Variants in LCOR observed in about 807,000 individuals in gnomAD.
LCOR encodes ligand-dependent corepressor.
Under a neutral mutation model 64.4 loss-of-function variants are expected in LCOR, and 14 were observed. The ratio of observed to expected loss-of-function variants is 0.22; its 90% CI spans 0.14 to 0.34. The LOEUF (loss-of-function observed/expected upper bound fraction) is 0.34. Among genes scored for constraint, LCOR ranks in the 10% least tolerant of loss-of-function variants. LCOR has a pLI of 1.00. For missense variants in LCOR, 1,686 were observed against 1,765.3 expected (o/e 0.96, Z 0.80); for synonymous variants, 643 against 642.5 (o/e 1.00, Z -0.01).
chr10:96,888,843 C>T (rs913242740), intron 2 of LCOR, among the ~76,000 whole-genome samples: 4 of 152,170 alleles, frequency 2.6e-5, no homozygotes, highest in Admixed American at 2.6e-4. Flanking sequence ...AAACCTCTGG[C>T]AGCCTCTGAT....
At chr10:96,919,859 A>G (rs1847017847) in intron 4 of LCOR, among the ~76,000 whole-genome samples, 1 of 152,170 alleles carries the variant, frequency 6.6e-6, no homozygotes, top group African/African-American at 2.4e-5. Context: ...ACAATATTCC[A>G]CTTATGTATA....
chr10:96,840,830 C>T lies in LCOR; in HGVS notation c.-330+7351C>T, dbSNP rs907015462. 6.6e-5 allele frequency among the ~76,000 whole-genome samples: 10 copies of T among 152,314 alleles called. No homozygotes were observed. The East Asian group carries it at 1.9e-3, about 29-fold the overall frequency. On this transcript the variant is annotated intron_variant, in intron 2 of 7. Transcript: ENST00000421806. ...TGAAGTAAAGCAGCGTTTGTTATAA[C>T]TTCTGAATCATTGAAAATTAGTCCA...
intron 2 of LCOR, among the ~76,000 whole-genome samples, chr10:96,887,734 G>C (rs1487873671): frequency 6.7e-6 from 1 of 149,440 alleles, no homozygotes; most frequent in Non-Finnish European, 1.5e-5. Flanking sequence ...AGGCTATAGT[G>C]CAATGGCGCC....
At chr10:96,943,487 T>G (rs1847533830) in intron 4 of LCOR, among the ~76,000 whole-genome samples, 1 of 152,264 alleles carries the variant, frequency 6.6e-6, no homozygotes, top group African/African-American at 2.4e-5. Context: ...ATGCAGTGCA[T>G]TCTATTTTTC....
chr10:96,953,496 A>G (rs748421303), intron 7 of LCOR, among the ~76,000 whole-genome samples: 9 of 152,316 alleles, frequency 5.9e-5, no homozygotes, highest in Non-Finnish European at 1.3e-4. Flanking sequence ...AGCTGCAGTG[A>G]GCCATGATCA....
intron 7 of LCOR, 49 bp from the exon 8 acceptor site, chr10:96,980,744 T>A (rs750109931): frequency 1.6e-6 from 1 of 619,212 alleles, no homozygotes; most frequent in South Asian, 1.9e-5. Context: ...TAAAAATGGT[T>A]CTTTGGTAAA....
chr10:96,977,267 A>T (rs1290912566), intron 7 of LCOR, among the ~76,000 whole-genome samples: 1 of 152,216 alleles, frequency 6.6e-6, no homozygotes, highest in Non-Finnish European at 1.5e-5. Context: ...AGTGAGTAAA[A>T]TTCTCTACTA....
At chr10:96,911,930 T>C (rs1589650255) in intron 4 of LCOR, among the ~76,000 whole-genome samples, 1 of 152,196 alleles carries the variant, frequency 6.6e-6, no homozygotes, top group South Asian at 2.1e-4. Flanking sequence ...GGCTTTTCTT[T>C]TCTTTCTTTC....
At chr10:96,964,652 A>C (rs987109334) in intron 7 of LCOR, among the ~76,000 whole-genome samples, 6 of 152,130 alleles carry the variant, frequency 3.9e-5, no homozygotes, top group Non-Finnish European at 8.8e-5. Flanking sequence ...TTGTAAACTC[A>C]GTGTCTTTAC....
At chr10:96,901,334 A>G (rs958994497) in intron 2 of LCOR, among the ~76,000 whole-genome samples, 1 of 152,090 alleles carries the variant, frequency 6.6e-6, no homozygotes, top group Non-Finnish European at 1.5e-5. Flanking sequence ...CTCTCCATAC[A>G]TGTTTAGCAT....
chr10:96,971,868 T>C (rs1459991506), intron 7 of LCOR, among the ~76,000 whole-genome samples: 1 of 152,230 alleles, frequency 6.6e-6, no homozygotes, highest in Non-Finnish European at 1.5e-5. Context: ...AGTATCTAAA[T>C]AACAGGCCTT....
chr10:96,920,547 CAT>C (rs555491371), intron 4 of LCOR, among the ~76,000 whole-genome samples: 35 of 131,064 alleles, frequency 2.7e-4, no homozygotes, highest in Non-Finnish European at 4.0e-4. Context: ...TATGTATATT[CAT>C]ATATATGTGT....
intron 2 of LCOR, among the ~76,000 whole-genome samples, chr10:96,886,575 A>G (rs1280462471): frequency 6.6e-6 from 1 of 152,228 alleles, no homozygotes; most frequent in African/African-American, 2.4e-5. Flanking sequence ...TTGTAGATTC[A>G]GAGAAGAATA....
intron 2 of LCOR, among the ~76,000 whole-genome samples, chr10:96,865,650 G>A (rs983674890): frequency 6.6e-6 from 1 of 151,978 alleles, no homozygotes; most frequent in Non-Finnish European, 1.5e-5. Context: ...TGAGGTGGGC[G>A]GATCACCTGA....
chr10:96,840,294 G>A (rs1434514391), intron 2 of LCOR, among the ~76,000 whole-genome samples: 1 of 152,122 alleles, frequency 6.6e-6, no homozygotes, highest in Non-Finnish European at 1.5e-5. Flanking sequence ...GATAAAGAGA[G>A]TTGTAGATTC....
At chr10:96,958,740 GTCTC>G in intron 7 of LCOR, 1 of 307,592 alleles carries the variant, frequency 3.3e-6, no homozygotes, top group Non-Finnish European at 6.1e-6. Flanking sequence ...TCCTCCAAAG[GTCTC>G]TCTCTTTCTC....
At chr10:96,909,927 G>A (rs1203603956) in intron 4 of LCOR, among the ~76,000 whole-genome samples, 1 of 151,932 alleles carries the variant, frequency 6.6e-6, no homozygotes, top group African/African-American at 2.4e-5. Context: ...CCATTTAATA[G>A]GAATTTTTGA....
In LCOR at chr10:96,980,999, G is replaced by C; in HGVS notation, c.539G>C (p.Cys180Ser). 1 of 703,012 alleles carries C rather than the reference G, an allele frequency of 1.4e-6. No individual in the cohort carries two copies. The highest frequency in any genetic ancestry group is 2.7e-5 in the East Asian group (1 of 37,294). 43.5% of individuals were successfully genotyped at this position (703,012 alleles called of 1,614,324 possible). A position where few individuals can be genotyped will look rare whatever the true frequency, so the allele number is the denominator to read the frequency against. ...GATGTATCCACTTGCAATGCTGGCT[G>C]TGCCCAGCTCAGCACCAAACATAAG... Reference protein sequence around the residue: ...AMDVSTCNAGCAQLSTKHKEK... With the variant: ...AMDVSTCNAGSAQLSTKHKEK... The change falls in exon 8 of 8, where the codon TGT becomes TCT. Residue 180 changes from cysteine to serine, a missense_variant. Coordinates refer to ENST00000421806, the MANE Select transcript of LCOR (RefSeq NM_001346516.2).
At chr10:96,867,452 T>C (rs1845993503) in intron 2 of LCOR, among the ~76,000 whole-genome samples, 1 of 151,992 alleles carries the variant, frequency 6.6e-6, no homozygotes, top group African/African-American at 2.4e-5. Flanking sequence ...TAAAAATTAG[T>C]TGGGTGTGGT....
Sources: allele counts gnomAD v4.1 joint callset (sites outside exome capture counted in the v4.1 genomes callset), GRCh38; gene constraint gnomAD v4.1.1; transcripts MANE v1.5; gene names NCBI Gene and HGNC (gene_info 2026-07-23, HGNC 2026-07-21).